The following KDM7A variants were observed in gnomAD, a reference collection of about 807,000 sequenced individuals.
KDM7A encodes the protein lysine-specific demethylase 7A.
A neutral mutation model predicts 114.8 loss-of-function variants in KDM7A; 28 were observed. The observed-to-expected ratio is 0.24, with a 90% CI of 0.18 to 0.33. The LOEUF is 0.33. KDM7A is among the 10% of genes least tolerant of loss of function. The pLI, the probability that KDM7A is intolerant of heterozygous loss-of-function variation, is 1.00. For missense variants in KDM7A, 942 were observed against 1,142.5 expected (o/e 0.82, Z 2.53); for synonymous variants, 423 against 397.8 (o/e 1.06, Z -0.75).
chr7:140,158,881 G>C (rs964093823), intron 1 of KDM7A, among the ~76,000 whole-genome samples: 1 of 152,104 alleles, frequency 6.6e-6, no homozygotes, highest in African/African-American at 2.4e-5. Context: ...GAGTACAAGA[G>C]AAAATGGGAC....
At position 140,088,453 on chromosome 7, in the gene KDM7A, T is replaced by C; in HGVS notation, c.*2641A>G. Reference sequence around the variant, plus strand: ...TATTTGGTTACAACTAGCTAAATGCTATCAGTGCTGTCTTCCTAAGTTGCT... The same window carrying C: ...TATTTGGTTACAACTAGCTAAATGCCATCAGTGCTGTCTTCCTAAGTTGCT... On this transcript the variant is annotated 3_prime_UTR_variant, in exon 20 of 20. Coordinates refer to ENST00000397560, the MANE Select transcript of KDM7A (RefSeq NM_030647.2). The C allele has an allele frequency of 2.5e-6, 1 of 398,342 alleles. No individual in the cohort carries two copies. The highest frequency in any genetic ancestry group is 4.4e-6 in the Non-Finnish European group (1 of 225,826). The allele number at this position is 398,342 out of a possible 1,614,324, so 24.7% of individuals were successfully genotyped here.
At chr7:140,126,978 G>GAGAC (rs1293014718) in intron 5 of KDM7A, among the ~76,000 whole-genome samples, 155 bp from the exon 6 acceptor site, 1 of 152,156 alleles carries the variant, frequency 6.6e-6, no homozygotes, top group East Asian at 1.9e-4. Context: ...GTTTGTTTTT[G>GAGAC]AGACAGAGTC....
chr7:140,096,840 A>G (rs755962928), intron 16 of KDM7A, 59 bp downstream of exon 16: 10 of 1,588,772 alleles, frequency 6.3e-6, no homozygotes, highest in Non-Finnish European at 8.6e-6. Context: ...AAACTAAAAA[A>G]AGTGTTCATA....
chr7:140,096,251 C>A (rs1818106940), intron 17 of KDM7A, among the ~76,000 whole-genome samples: 1 of 151,860 alleles, frequency 6.6e-6, no homozygotes, highest in South Asian at 2.1e-4. Context: ...TTTAAGGCAC[C>A]AAAACACTCC....
At chr7:140,161,825 T>A (rs886516821) in intron 1 of KDM7A, among the ~76,000 whole-genome samples, 1 of 152,096 alleles carries the variant, frequency 6.6e-6, no homozygotes, top group African/African-American at 2.4e-5. Flanking sequence ...ATTACAGGCG[T>A]GAGCCATTTG....
chr7:140,113,430 G>C (rs1818464920), intron 10 of KDM7A, 61 bp downstream of exon 10: 2 of 976,708 alleles, frequency 2.0e-6, no homozygotes, highest in Non-Finnish European at 3.2e-6. Context: ...ATAGCACAAG[G>C]ACTCTGTTTT....
In KDM7A at chr7:140,143,266, T is replaced by C. The variant is rs150789574; in HGVS notation, c.195-4076A>G. ...TTCAAAACTAGGGAAAGCCGAAGTA[T>C]ACTGTTTAGGGATAATAAAACTATC... is the stretch of plus-strand genomic sequence containing the variant. On this transcript the variant is annotated intron_variant, in intron 1 of 19. Coordinates refer to ENST00000397560, the MANE Select transcript of KDM7A (RefSeq NM_030647.2). Among the ~76,000 whole-genome samples the C allele has an allele frequency of 2.8e-4, 42 of 151,534 alleles. No homozygotes were observed. The East Asian group carries it at 6.6e-3, about 24-fold the overall frequency.
In KDM7A at chr7:140,176,855, C is replaced by T; in HGVS notation, c.83G>A (p.Arg28Gln). ...CGGGGGCGGCGGAGGCGCCGAGGCC[C>T]GGCCGGGAGCCGCCACCGACACGGC... ...AAAVSVAAPG[R>Q]ASAPPPPPPV... The change falls in exon 1 of 20, where the codon CGG becomes CAG. Residue 28 changes from arginine to glutamine, a missense_variant. Arg to Gln is a conservative substitution (Grantham distance 43). This residue lies in a region of KDM7A where 112 missense variants were observed against 96.2 expected (regional missense o/e 1.16). Transcript: ENST00000397560. The surrounding 1 kb of genome is among the most constrained non-coding windows in gnomAD (Gnocchi z 4.4). 1 of 1,288,486 alleles carries T rather than the reference C, an allele frequency of 7.8e-7. No individual in the cohort carries two copies. The allele number at this position is 1,288,486 out of a possible 1,614,324, so 79.8% of individuals were successfully genotyped here. A position where few individuals can be genotyped will look rare whatever the true frequency, so the allele number is the denominator to read the frequency against.
chr7:140,140,703 G>A lies in KDM7A; in HGVS notation c.195-1513C>T, dbSNP rs572921675. On this transcript the variant is annotated intron_variant, in intron 1 of 19. Transcript: ENST00000397560. ...GCAGGAGAATTGCTTGAACCCAGGCGGCAGAGGTTGCAGTAGGCAACAGAG... is the reference window on the plus strand; with the variant it reads ...GCAGGAGAATTGCTTGAACCCAGGCAGCAGAGGTTGCAGTAGGCAACAGAG... Among the ~76,000 whole-genome samples the A allele has an allele frequency of 4.0e-5, 6 of 151,300 alleles. No homozygotes were observed. In the South Asian group the frequency reaches 1.3e-3, roughly 32 times the overall value.
intron 7 of KDM7A, among the ~76,000 whole-genome samples, chr7:140,121,298 A>T (rs1222519742): frequency 6.6e-6 from 1 of 152,230 alleles, no homozygotes; most frequent in Non-Finnish European, 1.5e-5. Context: ...AGACTTCAAG[A>T]CTTCACCAGA....
At chr7:140,120,867 C>G (rs1357971577) in intron 7 of KDM7A, among the ~76,000 whole-genome samples, 1 of 152,178 alleles carries the variant, frequency 6.6e-6, no homozygotes, top group Non-Finnish European at 1.5e-5. Flanking sequence ...ATTGGCCTCC[C>G]AAAGTGCTGA....
In KDM7A at chr7:140,088,629, T is replaced by C. The variant is rs983337471; in HGVS notation, c.*2465A>G. ...GTTTGACCAGGAGTCACTGGATCAG[T>C]GGCCGAATTTTCACCAATTCAGAAA... On this transcript the variant is annotated 3_prime_UTR_variant, in exon 20 of 20. Transcript: ENST00000397560. The C allele has an allele frequency of 7.6e-6, 3 of 396,864 alleles. No individual in the cohort carries two copies. The highest frequency in any genetic ancestry group is 4.4e-5 in the Admixed American group (1 of 22,680). 24.6% of individuals were successfully genotyped at this position (396,864 alleles called of 1,614,324 possible).
At chr7:140,175,462 G>T (rs970930538) in intron 1 of KDM7A, among the ~76,000 whole-genome samples, 1 of 152,134 alleles carries the variant, frequency 6.6e-6, no homozygotes, top group African/African-American at 2.4e-5. Flanking sequence ...ACTCGTGAGC[G>T]TGCTCTCGCC....
At chr7:140,159,097 C>T (rs1794490057) in intron 1 of KDM7A, among the ~76,000 whole-genome samples, 1 of 152,306 alleles carries the variant, frequency 6.6e-6, no homozygotes, top group Non-Finnish European at 1.5e-5. Context: ...TGTAATCCCA[C>T]ACTTGGGGAG....
intron 1 of KDM7A, among the ~76,000 whole-genome samples, chr7:140,164,786 A>G (rs1046398917): frequency 1.3e-5 from 2 of 152,336 alleles, no homozygotes; most frequent in East Asian, 3.9e-4. Flanking sequence ...AATTTGCTTC[A>G]AAGTAGCCAG....
chr7:140,085,727 G>C lies in KDM7A; in HGVS notation c.*5367C>G, dbSNP rs1817914746. ...CCTTAGTTTGGTTTAGGTTTCTTTTGCAAGATAAAATAACCTTGGGGTTCA... is the reference window on the plus strand; with the variant it reads ...CCTTAGTTTGGTTTAGGTTTCTTTTCCAAGATAAAATAACCTTGGGGTTCA... On this transcript the variant is annotated 3_prime_UTR_variant, in exon 20 of 20. Transcript: ENST00000397560. 1 of 152,114 alleles carries C rather than the reference G, an allele frequency of 6.6e-6. No individual in the cohort carries two copies. The highest frequency in any genetic ancestry group is 1.5e-5 in the Non-Finnish European group (1 of 68,024). The allele number at this position is 152,114 out of a possible 1,614,324, so 9.4% of individuals were successfully genotyped here.
intron 1 of KDM7A, among the ~76,000 whole-genome samples, chr7:140,142,078 T>A (rs1367516743): frequency 6.8e-6 from 1 of 148,138 alleles, no homozygotes; most frequent in African/African-American, 2.4e-5. Flanking sequence ...TATTTATATA[T>A]CTTTTTAAAG....
chr7:140,176,500 C>T lies in KDM7A; in HGVS notation c.194+244G>A, dbSNP rs1410220651. On this transcript the variant is annotated intron_variant, in intron 1 of 19. Coordinates refer to ENST00000397560, the MANE Select transcript of KDM7A (RefSeq NM_030647.2). This position sits in a 1 kb window ranked among gnomAD's most constrained non-coding sequence, Gnocchi z 4.4. ...AACTTATCCGCCGGCCCTCTTTGTT[C>T]GTGTTTGTTGTGGCGACTCTTCGCC... 6.8e-6 allele frequency among the ~76,000 whole-genome samples: 1 copy of T among 146,840 alleles called. No homozygotes were observed. The highest frequency in any genetic ancestry group is 6.8e-5 in the Admixed American group (1 of 14,812).
At chr7:140,100,693 T>TAC in intron 12 of KDM7A, among the ~76,000 whole-genome samples, 1 of 35,802 alleles carries the variant, frequency 2.8e-5, no homozygotes, top group African/African-American at 1.0e-4. Context: ...TATATACATA[T>TAC]ATATATATAT....
Sources: gnomAD v4.1 joint callset for allele counts (sites outside exome capture counted in the v4.1 genomes callset) on GRCh38, gnomAD v4.1.1 for gene constraint, gnomAD v4.1.1 regional missense constraint, Gnocchi (gnomAD v3.1) non-coding constraint, MANE v1.5 for transcripts, NCBI Gene and HGNC (gene_info 2026-07-23, HGNC 2026-07-21) for gene names.